FRMD6: variants seen among roughly 807,000 people sequenced by gnomAD.
FRMD6 encodes the protein FERM domain-containing protein 6.
A neutral mutation model predicts 73.2 loss-of-function variants in FRMD6; 37 were observed. The observed-to-expected ratio is 0.51, with a 90% CI of 0.39 to 0.66. The LOEUF is 0.66. Among genes scored for constraint, FRMD6 ranks in the 30% least tolerant of loss-of-function variants. The pLI is 0.00. For missense variants in FRMD6, 714 were observed against 780.5 expected, an observed-to-expected ratio of 0.91 and a Z score of 1.02; for synonymous variants, 273 against 282.2, an observed-to-expected ratio of 0.97 and a Z score of 0.33.
intron 5 of FRMD6, among the ~76,000 whole-genome samples, chr14:51,704,285 G>T (rs1896498507): frequency 6.6e-6 from 1 of 152,062 alleles, no homozygotes; most frequent in African/African-American, 2.4e-5. Flanking sequence ...AGTATTTGTA[G>T]TGTGTTCAGT....
At chr14:51,721,761 G>GGGAAGGAGGGAAGGAGGGAAGGAA (rs750853411) in intron 11 of FRMD6, among the ~76,000 whole-genome samples, 188 bp from the exon 12 acceptor site, 34,247 of 136,602 alleles carry the variant, frequency 0.25, 5,123 homozygotes, top group East Asian at 0.32. Context: ...GAAGGAAGGA[G>GGGAAGGAGGGAAGGAGGGAAGGAA]GGAAGGAGGG....
chr14:51,467,963 G>A, the FRMD6 span, among the ~76,000 whole-genome samples: 2 of 151,990 alleles, frequency 1.3e-5, no homozygotes, highest in African/African-American at 4.8e-5. Flanking sequence ...AGGTTGTAGC[G>A]AGCCGAGATC....
At chr14:51,501,990 T>G (rs1027149863) in intron 1 of FRMD6, among the ~76,000 whole-genome samples, 2 of 152,270 alleles carry the variant, frequency 1.3e-5, no homozygotes, top group Non-Finnish European at 2.9e-5. Flanking sequence ...GTTGATCTTC[T>G]ATTCATATAC....
intron 1 of FRMD6, among the ~76,000 whole-genome samples, chr14:51,566,155 ACT>A (rs1187092476): frequency 6.6e-6 from 1 of 152,138 alleles, no homozygotes; most frequent in Non-Finnish European, 1.5e-5. Flanking sequence ...ACAGAGGGAG[ACT>A]CTGTCTCAAG....
chr14:51,500,111 G>T (rs1465446146), intron 1 of FRMD6, among the ~76,000 whole-genome samples: 5 of 152,306 alleles, frequency 3.3e-5, no homozygotes, highest in Admixed American at 3.3e-4. Context: ...TCACAATTAA[G>T]TCTTTTAAAA....
chr14:51,582,079 C>G (rs1374875090), intron 2 of FRMD6, among the ~76,000 whole-genome samples: 1 of 152,218 alleles, frequency 6.6e-6, no homozygotes, highest in Non-Finnish European at 1.5e-5. Flanking sequence ...AAGCTTCTAG[C>G]ATAGGGCTCA....
At chr14:51,568,900 C>T (rs1887932229) in intron 1 of FRMD6, among the ~76,000 whole-genome samples, 1 of 146,432 alleles carries the variant, frequency 6.8e-6, no homozygotes, top group Non-Finnish European at 1.5e-5. Context: ...AACTGTAGTG[C>T]AATGGCGCAG....
the FRMD6 span, among the ~76,000 whole-genome samples, chr14:51,419,045 T>C: frequency 6.6e-6 from 1 of 152,158 alleles, no homozygotes; most frequent in East Asian, 1.9e-4. Context: ...AAGCACAGTA[T>C]TTGGGTGGGA....
At chr14:51,561,893 T>C (rs571238258) in intron 1 of FRMD6, among the ~76,000 whole-genome samples, 3 of 152,228 alleles carry the variant, frequency 2.0e-5, no homozygotes, top group African/African-American at 4.8e-5. Context: ...GAAAAAAATA[T>C]ATATTTAGTT....
intron 12 of FRMD6, among the ~76,000 whole-genome samples, chr14:51,723,084 T>C (rs1209035727): frequency 2.0e-5 from 3 of 152,272 alleles, no homozygotes; most frequent in African/African-American, 7.2e-5. Flanking sequence ...ATCATCTCTC[T>C]GACCAACACT....
intron 2 of FRMD6, among the ~76,000 whole-genome samples, chr14:51,604,651 C>T (rs867004833): frequency 3.3e-5 from 5 of 152,222 alleles, no homozygotes; most frequent in South Asian, 4.2e-4. Context: ...CATTGTATTT[C>T]TTCCACCAGA....
intron 1 of FRMD6, among the ~76,000 whole-genome samples, chr14:51,568,369 G>A (rs555846546): frequency 9.8e-5 from 15 of 152,352 alleles, no homozygotes; most frequent in African/African-American, 2.9e-4. Flanking sequence ...GGAGTACAGC[G>A]TGAGCTGTAA....
the FRMD6 span, among the ~76,000 whole-genome samples, chr14:51,467,076 AC>A: frequency 6.6e-6 from 1 of 152,136 alleles, no homozygotes; most frequent in Non-Finnish European, 1.5e-5. Flanking sequence ...AAACATGTGA[AC>A]AAAGGTCTCT....
the FRMD6 span, chr14:51,396,852 A>G: frequency 6.6e-6 from 1 of 151,892 alleles, no homozygotes; most frequent in Non-Finnish European, 1.5e-5. Context: ...AGCCAGAACA[A>G]CCTCCTTTTT....
rs1418400181 is a variant in FRMD6 at position 51,728,635 on chromosome 14, G to T, written c.*606G>T. 1.3e-5 allele frequency: 2 copies of T among 153,674 alleles called. No homozygotes were observed. The highest frequency in any genetic ancestry group is 6.5e-5 in the Admixed American group (1 of 15,476). 9.5% of individuals were successfully genotyped at this position (153,674 alleles called of 1,614,324 possible). On this transcript the variant is annotated 3_prime_UTR_variant, in exon 14 of 14. Transcript: ENST00000344768. The stretch of plus-strand genomic sequence containing the variant: ...ATAAGCAATAAGCAGAAAACCAGAA[G>T]TGCATGCTGTGATGCCTGTGACTCC...
intron 2 of FRMD6, among the ~76,000 whole-genome samples, chr14:51,628,877 C>CTT (rs371915919): frequency 0.19 from 18,011 of 95,256 alleles, 2,599 homozygotes; most frequent in African/African-American, 0.28. Context: ...CTTTTCTTTT[C>CTT]TTTTTTTTTT....
intron 10 of FRMD6, chr14:51,717,176 G>T (rs1286284304): frequency 1.3e-5 from 2 of 148,540 alleles, no homozygotes; most frequent in African/African-American, 2.6e-5. Flanking sequence ...AGGTGTCTTT[G>T]TTTGTTTTGT....
At chr14:51,520,643 C>T (rs961327407) in intron 1 of FRMD6, among the ~76,000 whole-genome samples, 1 of 152,160 alleles carries the variant, frequency 6.6e-6, no homozygotes, top group Admixed American at 6.5e-5. Context: ...TGGCTCACCT[C>T]TTCCAGCACT....
the FRMD6 span, among the ~76,000 whole-genome samples, chr14:51,435,058 A>T: frequency 6.6e-6 from 1 of 152,238 alleles, no homozygotes; most frequent in African/African-American, 2.4e-5. Flanking sequence ...ACCGAATACA[A>T]TGTGGAATCC....
Sources: gnomAD v4.1 joint callset for allele counts (sites outside exome capture counted in the v4.1 genomes callset) on GRCh38, gnomAD v4.1.1 for gene constraint, MANE v1.5 for transcripts, NCBI Gene and HGNC (gene_info 2026-07-23, HGNC 2026-07-21) for gene names.